The following AP1S3 variants were observed in gnomAD, a reference collection of about 807,000 sequenced individuals.
AP1S3 encodes the protein AP-1 complex subunit sigma-3.
Under a neutral mutation model 20.9 loss-of-function variants are expected in AP1S3, and 10 were observed. The ratio of observed to expected loss-of-function variants is 0.48; its 90% CI spans 0.29 to 0.81. The LOEUF is 0.81. Ranked by LOEUF, AP1S3 falls within the 30% of genes least tolerant of loss-of-function variation. The pLI is 0.08. For synonymous variants in AP1S3, 41 were observed against 61.5 expected, an observed-to-expected ratio of 0.67 and a Z score of 1.56; for missense variants, 154 against 183.8, an observed-to-expected ratio of 0.84 and a Z score of 0.94.
chr2:223,820,220 G>T (rs1232932549), intron 1 of AP1S3, among the ~76,000 whole-genome samples: 1 of 152,016 alleles, frequency 6.6e-6, no homozygotes, highest in Non-Finnish European at 1.5e-5. Context: ...GTAAGATAAA[G>T]GTCTTTTTCC....
Position 223,817,621 on chromosome 2 carries a change from A to AAAAAAAG in AP1S3, c.3+19826_3+19827insCTTTTTT, listed in dbSNP as rs1553525097. 5.3e-3 allele frequency among the ~76,000 whole-genome samples: 785 copies of AAAAAAAG among 148,502 alleles called. 19 individuals carry two copies. Among genetic ancestry groups the AAAAAAAG allele is most frequent in the African/African-American group, 0.019 (744 of 40,070 alleles). On this transcript the variant is annotated intron_variant, in intron 1 of 4. Coordinates refer to ENST00000396654, the MANE Select transcript of AP1S3 (RefSeq NM_001039569.2). ...AGACTCCGTCTCAAAAAAAAAAAAA[A>AAAAAAAG]AAAGAAAAGAAAACTATTTGGAAGA...
chr2:223,772,107 C>A (rs1477710624), intron 3 of AP1S3, among the ~76,000 whole-genome samples: 1 of 152,042 alleles, frequency 6.6e-6, no homozygotes, highest in East Asian at 1.9e-4. Flanking sequence ...GACTCCGTCT[C>A]AAAAAAATAA....
At chr2:223,789,130 A>C (rs1298796774) in intron 1 of AP1S3, among the ~76,000 whole-genome samples, 1 of 113,748 alleles carries the variant, frequency 8.8e-6, no homozygotes, top group Non-Finnish European at 1.8e-5. Context: ...AGAAAAGAAC[A>C]AATAGGAAAA....
chr2:223,787,674 C>T (rs1325544855), intron 1 of AP1S3, among the ~76,000 whole-genome samples: 1 of 152,120 alleles, frequency 6.6e-6, no homozygotes, highest in African/African-American at 2.4e-5. Context: ...TGAAAGTCTC[C>T]CTATCGAGTA....
chr2:223,761,681 C>T (rs1690358670), intron 4 of AP1S3, among the ~76,000 whole-genome samples: 1 of 152,170 alleles, frequency 6.6e-6, no homozygotes, highest in Non-Finnish European at 1.5e-5. Flanking sequence ...TCCGCATCAG[C>T]CTTCTGAGTA....
intron 1 of AP1S3, among the ~76,000 whole-genome samples, chr2:223,797,161 TC>T (rs1437401977): frequency 1.3e-5 from 2 of 152,122 alleles, no homozygotes; most frequent in Admixed American, 6.6e-5. Context: ...TGAACCAACT[TC>T]CCTCGTCTCT....
rs146681867 is a variant in AP1S3, at chr2:223,803,363, G to A, written c.4-25494C>T. 7.8e-3 allele frequency among the ~76,000 whole-genome samples: 1,183 copies of A among 152,216 alleles called. 13 individuals are homozygous for A. Among genetic ancestry groups the A allele is most frequent in the African/African-American group, 0.027 (1,140 of 41,542 alleles). On this transcript the variant is annotated intron_variant, in intron 1 of 4. Transcript: ENST00000396654. ...TATGCAAAATGCTATCAATTTCATGGCACAATTTTAGTGTTACTAAATGTT... is the reference window on the plus strand; with the variant it reads ...TATGCAAAATGCTATCAATTTCATGACACAATTTTAGTGTTACTAAATGTT...
Position 223,817,620 on chromosome 2 carries a change from A to AG in AP1S3, c.3+19827_3+19828insC, listed in dbSNP as rs1691877359. Among the ~76,000 whole-genome samples the AG allele has an allele frequency of 7.0e-5, 10 of 141,970 alleles. No individual in the cohort carries two copies. The South Asian group carries it at 2.2e-3, about 32-fold the overall frequency. The allele number at this position is 141,970 out of a possible 152,430, so 93.1% of individuals were successfully genotyped here. ...CAGACTCCGTCTCAAAAAAAAAAAA[A>AG]AAAAGAAAAGAAAACTATTTGGAAG... On this transcript the variant is annotated intron_variant, in intron 1 of 4. Transcript: ENST00000396654.
chr2:223,757,915 T>G lies in AP1S3; in HGVS notation c.*800A>C. On this transcript the variant is annotated 3_prime_UTR_variant, in exon 5 of 5. Transcript: ENST00000396654. Reference sequence around the variant, plus strand: ...AAATAGTAGCAATAATTATTATTGCTATTAATTCTTATCATACTATTTTAG... The same window carrying G: ...AAATAGTAGCAATAATTATTATTGCGATTAATTCTTATCATACTATTTTAG... 2 of 974,066 alleles carry G rather than the reference T, an allele frequency of 2.1e-6. No individual in the cohort carries two copies. The highest frequency in any genetic ancestry group is 1.2e-6 in the Non-Finnish European group (1 of 819,606). The allele number at this position is 974,066 out of a possible 1,614,324, so 60.3% of individuals were successfully genotyped here.
intron 1 of AP1S3, among the ~76,000 whole-genome samples, chr2:223,832,129 TTCTC>T (rs67077486): frequency 0.029 from 1,763 of 60,226 alleles, 64 homozygotes; most frequent in South Asian, 0.12. Flanking sequence ...TAAAGGAGTT[TTCTC>T]TCTGTGTGTG....
chr2:223,801,417 G>C (rs1172652045), intron 1 of AP1S3, among the ~76,000 whole-genome samples: 1 of 152,158 alleles, frequency 6.6e-6, no homozygotes, highest in Non-Finnish European at 1.5e-5. Flanking sequence ...CACTTTTAAA[G>C]TCACTATGAT....
chr2:223,772,053 G>A (rs1318379745), intron 3 of AP1S3, among the ~76,000 whole-genome samples: 3 of 152,240 alleles, frequency 2.0e-5, no homozygotes, highest in Non-Finnish European at 4.4e-5. Context: ...GGTGCAGTGA[G>A]CCGAGACCGC....
chr2:223,766,325 T>C (rs1321541882), intron 3 of AP1S3, among the ~76,000 whole-genome samples: 1 of 152,226 alleles, frequency 6.6e-6, no homozygotes, highest in Non-Finnish European at 1.5e-5. Flanking sequence ...ATTCTGGATA[T>C]TAGCCCTTTG....
intron 1 of AP1S3, among the ~76,000 whole-genome samples, chr2:223,800,711 A>G (rs929638909): frequency 1.3e-5 from 2 of 152,222 alleles, no homozygotes; most frequent in Non-Finnish European, 2.9e-5. Flanking sequence ...AACATTTACA[A>G]AAAACTACAA....
At chr2:223,780,625 C>T (rs912197467) in intron 1 of AP1S3, among the ~76,000 whole-genome samples, 2 of 151,246 alleles carry the variant, frequency 1.3e-5, no homozygotes, top group African/African-American at 2.4e-5. Flanking sequence ...GAAACGAGGT[C>T]TCCCTATGTT....
At chr2:223,812,485 G>C (rs929584060) in intron 1 of AP1S3, among the ~76,000 whole-genome samples, 3 of 152,228 alleles carry the variant, frequency 2.0e-5, no homozygotes, top group Non-Finnish European at 2.9e-5. Flanking sequence ...GCCTCCCAAA[G>C]TGCTGGGATT....
chr2:223,776,722 A>T (rs1690793294), intron 2 of AP1S3, among the ~76,000 whole-genome samples: 1 of 152,084 alleles, frequency 6.6e-6, no homozygotes, highest in Admixed American at 6.6e-5. Context: ...TAGTTATCTC[A>T]TCTATAAATT....
chr2:223,810,238 A>T (rs1203762511), intron 1 of AP1S3, among the ~76,000 whole-genome samples: 7 of 152,102 alleles, frequency 4.6e-5, no homozygotes, highest in Non-Finnish European at 8.8e-5. Context: ...GAAAATTTAG[A>T]CTAAGTGGCT....
At chr2:223,830,385 A>C (rs1420409107) in intron 1 of AP1S3, among the ~76,000 whole-genome samples, 1 of 151,548 alleles carries the variant, frequency 6.6e-6, no homozygotes, top group African/African-American at 2.4e-5. Context: ...AGACTGAGGC[A>C]GGAGAATTGC....
Sources: allele counts gnomAD v4.1 joint callset (sites outside exome capture counted in the v4.1 genomes callset), GRCh38; gene constraint gnomAD v4.1.1; transcripts MANE v1.5; gene names NCBI Gene and HGNC (gene_info 2026-07-23, HGNC 2026-07-21).